Variants in P2RY8 observed in about 807,000 individuals in gnomAD.
The protein encoded by P2RY8 is P2Y receptor family member 8, also known as S-geranylgeranyl-glutathione receptor P2RY8.
Under a neutral mutation model 10.0 loss-of-function variants are expected in P2RY8, and 6 were observed. The observed-to-expected ratio is 0.60, with a 90% CI of 0.33 to 1.19. The LOEUF (loss-of-function observed/expected upper bound fraction) is 1.19. Among genes scored for constraint, P2RY8 ranks in the 50% most tolerant of loss-of-function variants. P2RY8 has a pLI of 0.04. For missense variants in P2RY8, 456 were observed against 542.0 expected, an observed-to-expected ratio of 0.84 and a Z score of 1.58; for synonymous variants, 276 against 252.5, an observed-to-expected ratio of 1.09 and a Z score of -0.88.
chrX:1,492,815 G>A (rs2092066385), intron 1 of P2RY8, among the ~76,000 whole-genome samples: 1 of 152,036 alleles, frequency 6.6e-6, no homozygotes, highest in Non-Finnish European at 1.5e-5. Flanking sequence ...CTGAGACATG[G>A]TTGTTTCAAA....
intron 1 of P2RY8, among the ~76,000 whole-genome samples, chrX:1,496,283 T>C (rs1240478958): frequency 6.6e-6 from 1 of 152,166 alleles, no homozygotes; most frequent in Non-Finnish European, 1.5e-5. Flanking sequence ...CGAGGCCATC[T>C]GGAGTCATGC....
At chrX:1,506,192 C>A (rs2092231652) in intron 1 of P2RY8, among the ~76,000 whole-genome samples, 1 of 151,880 alleles carries the variant, frequency 6.6e-6, no homozygotes, top group Non-Finnish European at 1.5e-5. Context: ...GGGGTTTTGC[C>A]ATGTTGGCCA....
chrX:1,487,887 GATCACGAGGTCA>G (rs2092000920), intron 1 of P2RY8, among the ~76,000 whole-genome samples: 1 of 152,114 alleles, frequency 6.6e-6, no homozygotes, highest in Admixed American at 6.6e-5. Context: ...GAGGCGGGTG[GATCACGAGGTCA>G]GGAGATCGAG....
intron 1 of P2RY8, among the ~76,000 whole-genome samples, chrX:1,527,321 C>T (rs1485311627): frequency 2.0e-5 from 3 of 152,018 alleles, no homozygotes; most frequent in Non-Finnish European, 4.4e-5. Flanking sequence ...CTCATCTATC[C>T]ATCCATCCAT....
At chrX:1,524,145 C>G (rs1356452988) in intron 1 of P2RY8, among the ~76,000 whole-genome samples, 1 of 152,124 alleles carries the variant, frequency 6.6e-6, no homozygotes, top group Non-Finnish European at 1.5e-5. Context: ...TGCAATGTAG[C>G]GATGGGGTAG....
intron 1 of P2RY8, among the ~76,000 whole-genome samples, chrX:1,527,141 T>C (rs1164237176): frequency 6.6e-6 from 1 of 152,136 alleles, no homozygotes; most frequent in Non-Finnish European, 1.5e-5. Flanking sequence ...GTGATCCGCC[T>C]ACCTCAGACT....
intron 1 of P2RY8, among the ~76,000 whole-genome samples, chrX:1,520,967 C>G (rs1447287941): frequency 6.6e-6 from 1 of 150,622 alleles, no homozygotes; most frequent in Admixed American, 6.6e-5. Flanking sequence ...ACCTCTTTGG[C>G]CCCCAATCAT....
intron 1 of P2RY8, among the ~76,000 whole-genome samples, chrX:1,471,976 A>T (rs2091792892): frequency 6.6e-6 from 1 of 152,014 alleles, no homozygotes; most frequent in Admixed American, 6.6e-5. Context: ...GGGTGTTTGC[A>T]CCACCCAGTT....
chrX:1,481,072 T>C (rs1210966823), intron 1 of P2RY8, among the ~76,000 whole-genome samples: 1 of 151,934 alleles, frequency 6.6e-6, no homozygotes, highest in African/African-American at 2.4e-5. Flanking sequence ...GATCTAGAGA[T>C]ACCAACAGAT....
intron 1 of P2RY8, among the ~76,000 whole-genome samples, chrX:1,478,036 TC>T (rs1426914700): frequency 1.3e-5 from 2 of 152,078 alleles, no homozygotes; most frequent in Admixed American, 6.6e-5. Flanking sequence ...GACCTGGTCT[TC>T]AGGAAGACAG....
intron 1 of P2RY8, among the ~76,000 whole-genome samples, chrX:1,531,652 C>T (rs2092476450): frequency 6.6e-6 from 1 of 152,152 alleles, no homozygotes; most frequent in Admixed American, 6.6e-5. Flanking sequence ...ACTCCTCCCT[C>T]CCATGGAGAC....
chrX:1,526,480 C>T (rs1769432829), intron 1 of P2RY8, among the ~76,000 whole-genome samples: 1 of 152,020 alleles, frequency 6.6e-6, no homozygotes, highest in Non-Finnish European at 1.5e-5. Context: ...ATCCATCCAT[C>T]CATTTATCCA....
chrX:1,468,412 G>A (rs1353418401), intron 1 of P2RY8, among the ~76,000 whole-genome samples: 1 of 152,168 alleles, frequency 6.6e-6, no homozygotes, highest in Non-Finnish European at 1.5e-5. Flanking sequence ...TTGCCATTTC[G>A]AGTCTGTGCC....
intron 1 of P2RY8, among the ~76,000 whole-genome samples, chrX:1,516,121 T>C (rs1313362939): frequency 3.3e-5 from 5 of 150,348 alleles, no homozygotes; most frequent in African/African-American, 1.2e-4. Flanking sequence ...CGCTTGAACC[T>C]GGGAGGCGGA....
At chrX:1,468,559 G>A (rs1317268956) in intron 1 of P2RY8, among the ~76,000 whole-genome samples, 1 of 152,090 alleles carries the variant, frequency 6.6e-6, no homozygotes, top group Non-Finnish European at 1.5e-5. Flanking sequence ...TTTGGGCCCC[G>A]CCGGGGCTCA....
Position 1,505,987 on chromosome X carries a change from CTTT to C in P2RY8, c.-25+30931_-25+30933del, listed in dbSNP as rs542485545. Among the ~76,000 whole-genome samples, 628 of 108,822 alleles carry C rather than the reference CTTT, an allele frequency of 5.8e-3. 9 individuals carry two copies. In the East Asian group the frequency reaches 0.068, roughly 12 times the overall value. The allele number at this position is 108,822 out of a possible 152,430, so 71.4% of individuals were successfully genotyped here. On this transcript the variant is annotated intron_variant, in intron 1 of 1. Coordinates refer to ENST00000381297, the MANE Select transcript of P2RY8 (RefSeq NM_178129.5). ...AACAAAGCATCTTAATTTCTTTCTT[CTTT>C]TTTTTTTTTTTTTTTTTTTTGACAC...
At chrX:1,495,274 AC>A (rs1249550238) in intron 1 of P2RY8, among the ~76,000 whole-genome samples, 1 of 152,070 alleles carries the variant, frequency 6.6e-6, no homozygotes, top group Non-Finnish European at 1.5e-5. Context: ...GCTGCATTGT[AC>A]CCTCCCAAAT....
chrX:1,494,765 G>C (rs2092100343), intron 1 of P2RY8, among the ~76,000 whole-genome samples: 1 of 152,076 alleles, frequency 6.6e-6, no homozygotes, highest in Non-Finnish European at 1.5e-5. Context: ...GAGTGCAATG[G>C]CACCGTCTCC....
chrX:1,509,254 C>G (rs1204259357), intron 1 of P2RY8, among the ~76,000 whole-genome samples: 6 of 146,034 alleles, frequency 4.1e-5, no homozygotes, highest in Admixed American at 1.4e-4. Context: ...ATGTATCTAT[C>G]TGTCTAGCCA....
Sources: allele counts gnomAD v4.1 joint callset (sites outside exome capture counted in the v4.1 genomes callset), GRCh38; gene constraint gnomAD v4.1.1; transcripts MANE v1.5; gene names NCBI Gene and HGNC (gene_info 2026-07-23, HGNC 2026-07-21).